The following COA1 variants were observed in gnomAD, a reference collection of about 807,000 sequenced individuals.
The protein encoded by COA1 is cytochrome c oxidase assembly factor 1 homolog.
A neutral mutation model predicts 16.0 loss-of-function variants in COA1; 13 were observed. That is an observed-to-expected ratio of 0.81 (90% CI 0.53 to 1.29). The LOEUF (loss-of-function observed/expected upper bound fraction) is 1.29. COA1 is among the 50% of genes most tolerant of loss of function. COA1 has a pLI of 0.00. For synonymous variants in COA1, 65 were observed against 65.7 expected (o/e 0.99, Z 0.05); for missense variants, 179 against 177.0 (o/e 1.01, Z -0.06).
At chr7:43,688,980 C>T (rs183590220) in intron 1 of COA1, among the ~76,000 whole-genome samples, 61 of 152,164 alleles carry the variant, frequency 4.0e-4, no homozygotes, top group African/African-American at 1.4e-3. Context: ...TTCTATCACA[C>T]AAAAAAGAAG....
intron 6 of COA1, among the ~76,000 whole-genome samples, chr7:43,614,244 C>T (rs1583638521): frequency 1.3e-5 from 2 of 152,208 alleles, no homozygotes; most frequent in South Asian, 2.1e-4. Flanking sequence ...TAAAAGACTT[C>T]CCTACAGCCA....
chr7:43,707,079 C>G (rs777310211), intron 1 of COA1, among the ~76,000 whole-genome samples: 47 of 151,778 alleles, frequency 3.1e-4, no homozygotes, highest in Non-Finnish European at 4.6e-4. Flanking sequence ...GAGGCTGAGG[C>G]AGGAGAATTT....
At chr7:43,671,453 C>T (rs538287315) in intron 1 of COA1, among the ~76,000 whole-genome samples, 9 of 151,178 alleles carry the variant, frequency 6.0e-5, no homozygotes, top group African/African-American at 2.2e-4. Context: ...TAAAAATGAA[C>T]AAAGAATCCC....
intron 1 of COA1, among the ~76,000 whole-genome samples, chr7:43,722,247 T>C (rs1348960148): frequency 1.3e-5 from 2 of 150,938 alleles, no homozygotes; most frequent in African/African-American, 4.9e-5. Context: ...TGCACCACCA[T>C]GCCCAGCTAG....
intron 1 of COA1, among the ~76,000 whole-genome samples, chr7:43,664,124 A>AGAGAGAGAGAGAGAGAGAGAGAGAGAGG (rs2092707210): frequency 6.6e-6 from 1 of 151,676 alleles, no homozygotes; most frequent in African/African-American, 2.4e-5. Context: ...AGAGAGAGAG[A>AGAGAGAGAGAGAGAGAGAGAGAGAGAGG]GAGAGAGTCT....
chr7:43,682,252 C>T (rs1165015216), intron 1 of COA1, among the ~76,000 whole-genome samples: 1 of 152,184 alleles, frequency 6.6e-6, no homozygotes, highest in Non-Finnish European at 1.5e-5. Flanking sequence ...TCTTAGTCTA[C>T]TCCAATGTAG....
intron 1 of COA1, among the ~76,000 whole-genome samples, chr7:43,704,262 T>C (rs2094879668): frequency 6.6e-6 from 1 of 152,212 alleles, no homozygotes; most frequent in South Asian, 2.1e-4. Flanking sequence ...CATGATGACT[T>C]TGGACAACCT....
In COA1 at chr7:43,639,525, T is replaced by C; in HGVS notation, c.*57A>G. 1.4e-6 allele frequency: 2 copies of C among 1,414,388 alleles called. No homozygotes were observed. The highest frequency in any genetic ancestry group is 2.0e-6 in the Non-Finnish European group (2 of 999,976). The allele number at this position is 1,414,388 out of a possible 1,614,324, so 87.6% of individuals were successfully genotyped here. A position where few individuals can be genotyped will look rare whatever the true frequency, so the allele number is the denominator to read the frequency against. On this transcript the variant is annotated 3_prime_UTR_variant, in exon 6 of 6. Coordinates refer to ENST00000223336, the MANE Select transcript of COA1 (RefSeq NM_018224.4). Reference sequence around the variant, plus strand: ...AGATGGGCCACCACCCCAGTGGCCATATGGTAGAGATGAGGGAAGGATGGA... The same window carrying C: ...AGATGGGCCACCACCCCAGTGGCCACATGGTAGAGATGAGGGAAGGATGGA...
Position 43,645,415 on chromosome 7 carries a change from A to C in COA1, c.116-16T>G. ...GAATGAAACTCTAAGGACGAAAGAC[A>C]CACTTATTTTCTTTATTGAACTTGG... is the stretch of plus-strand genomic sequence containing the variant. On this transcript the variant is annotated splice_polypyrimidine_tract_variant and intron_variant, in intron 3 of 5. Transcript: ENST00000223336. 1.3e-5 allele frequency: 21 copies of C among 1,612,992 alleles called. No individual in the cohort carries two copies. Among genetic ancestry groups the C allele is most frequent in the Non-Finnish European group, 1.8e-5 (21 of 1,179,112 alleles).
At chr7:43,682,398 A>G (rs933925695) in intron 1 of COA1, among the ~76,000 whole-genome samples, 1 of 152,216 alleles carries the variant, frequency 6.6e-6, no homozygotes, top group Non-Finnish European at 1.5e-5. Flanking sequence ...CCTAAAGTAA[A>G]TATTTTTCAA....
At chr7:43,710,375 A>AAAAAAAATATATATAT (rs761592421) in intron 1 of COA1, among the ~76,000 whole-genome samples, 1 of 36,446 alleles carries the variant, frequency 2.7e-5, no homozygotes, top group Non-Finnish European at 4.7e-5. Flanking sequence ...AAAAAAAAAA[A>AAAAAAAATATATATAT]ATATATATAT....
chr7:43,649,632 CAATT>C (rs1563251885), intron 1 of COA1: 1 of 152,244 alleles, frequency 6.6e-6, no homozygotes, highest in African/African-American at 2.4e-5. Flanking sequence ...GGAATACAGA[CAATT>C]AAACAAATAA....
At chr7:43,678,724 G>A (rs781344506) in intron 1 of COA1, among the ~76,000 whole-genome samples, 1 of 151,936 alleles carries the variant, frequency 6.6e-6, no homozygotes, top group African/African-American at 2.4e-5. Context: ...AACATCATCA[G>A]AAAAACACAA....
At chr7:43,630,874 C>G (rs1269840615) in intron 6 of COA1, among the ~76,000 whole-genome samples, 1 of 152,090 alleles carries the variant, frequency 6.6e-6, no homozygotes, top group Non-Finnish European at 1.5e-5. Context: ...ATGTAGAAAA[C>G]TCTCTTGCCC....
downstream of COA1, among the ~76,000 whole-genome samples, chr7:43,636,439 G>T (rs2085892518): frequency 6.6e-6 from 1 of 152,118 alleles, no homozygotes; most frequent in Non-Finnish European, 1.5e-5. Context: ...CAAGTGATTG[G>T]TAAATATTTA....
intron 6 of COA1, among the ~76,000 whole-genome samples, chr7:43,633,799 C>G (rs2085421547): frequency 6.8e-6 from 1 of 147,550 alleles, no homozygotes; most frequent in African/African-American, 2.4e-5. Context: ...TGTAAACTCT[C>G]AGCCATTTTT....
At chr7:43,644,487 G>T (rs1225308801) in intron 4 of COA1, among the ~76,000 whole-genome samples, 1 of 151,806 alleles carries the variant, frequency 6.6e-6, no homozygotes, top group Non-Finnish European at 1.5e-5. Context: ...TAAAGAGTTG[G>T]GTACATTTGA....
At chr7:43,705,233 G>A (rs1254665531) in intron 1 of COA1, among the ~76,000 whole-genome samples, 2 of 152,206 alleles carry the variant, frequency 1.3e-5, no homozygotes, top group African/African-American at 4.8e-5. Context: ...GCAGCTGCCA[G>A]CAAAAGAACT....
chr7:43,665,082 G>A (rs1008937113), intron 1 of COA1, among the ~76,000 whole-genome samples: 1 of 151,970 alleles, frequency 6.6e-6, no homozygotes, highest in African/African-American at 2.4e-5. Context: ...TAGGAGAATT[G>A]CTCATTTCAA....
Sources: gnomAD v4.1 joint callset for allele counts (sites outside exome capture counted in the v4.1 genomes callset) on GRCh38, gnomAD v4.1.1 for gene constraint, MANE v1.5 for transcripts, NCBI Gene and HGNC (gene_info 2026-07-23, HGNC 2026-07-21) for gene names.